The following DSCAM variants were observed in gnomAD, a reference collection of about 807,000 sequenced individuals.
DSCAM encodes the protein cell adhesion molecule DSCAM.
DSCAM carries 47 observed loss-of-function variants against 217.7 expected under a neutral mutation model. The observed-to-expected ratio is 0.22, with a 90% CI of 0.17 to 0.28. DSCAM has a LOEUF of 0.28. Ranked by LOEUF, DSCAM falls within the 10% of genes least tolerant of loss-of-function variation. The probability of loss-of-function intolerance (pLI) is 1.00; values close to 1 mark genes in which losing one functional copy is unlikely to be tolerated. For missense variants in DSCAM, 2,080 were observed against 2,618.3 expected (o/e 0.79, Z 4.49); for synonymous variants, 1,056 against 1,015.3 (o/e 1.04, Z -0.76).
chr21:40,335,615 T>C (rs1601561229), intron 8 of DSCAM, among the ~76,000 whole-genome samples: 1 of 152,322 alleles, frequency 6.6e-6, no homozygotes, highest in East Asian at 1.9e-4. Context: ...TGGAAATTTT[T>C]CTCGAAAGAA....
At chr21:40,830,846 A>G (rs919768443) in intron 1 of DSCAM, among the ~76,000 whole-genome samples, 1 of 152,228 alleles carries the variant, frequency 6.6e-6, no homozygotes, top group African/African-American at 2.4e-5. Flanking sequence ...TGATTCTGTC[A>G]GTATTACCAT....
At chr21:40,417,971 C>T (rs899304517) in intron 3 of DSCAM, among the ~76,000 whole-genome samples, 2 of 152,146 alleles carry the variant, frequency 1.3e-5, no homozygotes, top group Non-Finnish European at 2.9e-5. Context: ...TTTAAGGCAG[C>T]CTCAAACCTA....
chr21:40,832,692 CA>C (rs1185546643), intron 1 of DSCAM, among the ~76,000 whole-genome samples: 1 of 152,098 alleles, frequency 6.6e-6, no homozygotes, highest in Non-Finnish European at 1.5e-5. Flanking sequence ...TTCTTGTATC[CA>C]GACTACCCCA....
intron 3 of DSCAM, among the ~76,000 whole-genome samples, chr21:40,613,728 T>G (rs2146283050): frequency 6.6e-6 from 1 of 152,030 alleles, no homozygotes; most frequent in South Asian, 2.1e-4. Flanking sequence ...GAAGTAAAAT[T>G]GGCTGCACCT....
intron 10 of DSCAM, among the ~76,000 whole-genome samples, chr21:40,294,725 T>A (rs374356801): frequency 3.9e-5 from 6 of 152,230 alleles, no homozygotes; most frequent in African/African-American, 1.4e-4. Context: ...TGCACTTCCA[T>A]AGAAACTAAA....
chr21:40,297,081 C>T (rs67798389), intron 9 of DSCAM, among the ~76,000 whole-genome samples: 9,103 of 152,060 alleles, frequency 0.06, 327 homozygotes, highest in East Asian at 0.11. Context: ...GTCAGCACCA[C>T]GGTGGGCCAA....
intron 3 of DSCAM, among the ~76,000 whole-genome samples, chr21:40,548,914 G>C (rs1190689159): frequency 1.3e-5 from 2 of 152,188 alleles, no homozygotes; most frequent in Non-Finnish European, 2.9e-5. Context: ...TCAAAATAGG[G>C]TAAAACAAGG....
chr21:40,802,812 G>A (rs148107503), intron 1 of DSCAM, among the ~76,000 whole-genome samples: 54 of 152,284 alleles, frequency 3.5e-4, no homozygotes, highest in Middle Eastern at 3.4e-3. Context: ...GGACTTGTTA[G>A]CCTCCATAAC....
At chr21:40,506,686 C>T (rs181384425) in intron 3 of DSCAM, among the ~76,000 whole-genome samples, 1 of 152,196 alleles carries the variant, frequency 6.6e-6, no homozygotes, top group African/African-American at 2.4e-5. Flanking sequence ...GAGTAACAGT[C>T]GTTAGGCTGC....
chr21:40,138,467 TGTGTGGTGTATTGGGG>T (rs2146702368), intron 18 of DSCAM, among the ~76,000 whole-genome samples: 1 of 138,874 alleles, frequency 7.2e-6, no homozygotes, highest in East Asian at 2.3e-4. Flanking sequence ...TGTGGTGTAG[TGTGTGGTGTATTGGGG>T]GTGTGTGTGG....
chr21:40,181,758 C>T (rs531761979), intron 14 of DSCAM, among the ~76,000 whole-genome samples: 22 of 151,722 alleles, frequency 1.5e-4, no homozygotes, highest in African/African-American at 5.3e-4. Flanking sequence ...ATCGTTTGGT[C>T]AAATGTAAGA....
intron 1 of DSCAM, among the ~76,000 whole-genome samples, chr21:40,752,520 T>C (rs1391739170): frequency 1.3e-5 from 2 of 152,170 alleles, no homozygotes; most frequent in African/African-American, 4.8e-5. Flanking sequence ...TATGCAGTTA[T>C]TTAAAAAAAT....
intron 4 of DSCAM, among the ~76,000 whole-genome samples, chr21:40,355,446 G>T (rs1443802898): frequency 2.6e-5 from 4 of 152,192 alleles, no homozygotes; most frequent in Non-Finnish European, 4.4e-5. Flanking sequence ...CTGGGTCTGT[G>T]GAAACCACGC....
chr21:40,784,349 C>T (rs893298356), intron 1 of DSCAM, among the ~76,000 whole-genome samples: 4 of 152,102 alleles, frequency 2.6e-5, no homozygotes, highest in East Asian at 1.9e-4. Context: ...TGTCTGCTGC[C>T]GTGTAAGGCG....
intron 3 of DSCAM, among the ~76,000 whole-genome samples, chr21:40,548,879 G>A (rs1166760686): frequency 6.6e-6 from 1 of 152,148 alleles, no homozygotes; most frequent in Non-Finnish European, 1.5e-5. Flanking sequence ...AAAATCTAGT[G>A]CATTTTCCAA....
At chr21:40,483,747 G>C (rs1385594040) in intron 3 of DSCAM, among the ~76,000 whole-genome samples, 1 of 152,126 alleles carries the variant, frequency 6.6e-6, no homozygotes, top group African/African-American at 2.4e-5. Context: ...GAATAGATTA[G>C]TGTGCCTAGT....
rs532718189 is a variant in DSCAM at position 40,047,126 on chromosome 21, G to A, written c.5186-2851C>T. ...CAGCCCTCAGTTCTGTACTGCGCTA[G>A]GCAGGCATCCTAGGGTCAAAATTGC... On this transcript the variant is annotated intron_variant, in intron 30 of 32. Coordinates refer to ENST00000400454, the MANE Select transcript of DSCAM (RefSeq NM_001389.5). 3.3e-5 allele frequency among the ~76,000 whole-genome samples: 5 copies of A among 152,162 alleles called. No homozygotes were observed. The South Asian group carries it at 1.0e-3, about 32-fold the overall frequency.
At chr21:40,408,416 C>A (rs1019687345) in intron 3 of DSCAM, among the ~76,000 whole-genome samples, 14 of 152,010 alleles carry the variant, frequency 9.2e-5, no homozygotes, top group African/African-American at 1.5e-4. Flanking sequence ...AGGCTATTGA[C>A]AAACAATGTG....
At chr21:40,434,362 C>T (rs1322273936) in intron 3 of DSCAM, among the ~76,000 whole-genome samples, 19 of 152,212 alleles carry the variant, frequency 1.2e-4, no homozygotes. Flanking sequence ...AGAAATCACA[C>T]ATCACCTTTC....
Sources: allele counts gnomAD v4.1 joint callset (sites outside exome capture counted in the v4.1 genomes callset), GRCh38; gene constraint gnomAD v4.1.1; transcripts MANE v1.5; gene names NCBI Gene and HGNC (gene_info 2026-07-23, HGNC 2026-07-21).